The following MYO3A variants were observed in gnomAD, a reference collection of about 807,000 sequenced individuals.
MYO3A encodes the protein myosin IIIA, also known as myosin-IIIa.
Under a neutral mutation model 192.7 loss-of-function variants are expected in MYO3A, and 180 were observed. The ratio of observed to expected loss-of-function variants is 0.93; its 90% CI spans 0.83 to 1.06. The LOEUF is 1.06. Among genes scored for constraint, MYO3A ranks in the 50% least tolerant of loss-of-function variants. The probability of loss-of-function intolerance (pLI) is 0.00; values close to 1 mark genes in which losing one functional copy is unlikely to be tolerated. For synonymous variants in MYO3A, 628 were observed against 645.3 expected (o/e 0.97, Z 0.41); for missense variants, 1,896 against 1,905.0 (o/e 1.00, Z 0.09).
intron 5 of MYO3A, 140 bp from the exon 6 acceptor site, chr10:25,997,019 T>C: frequency 1.5e-6 from 1 of 676,710 alleles, no homozygotes; most frequent in Non-Finnish European, 2.6e-6. Context: ...TTGATGTGAC[T>C]AACTCAATGT....
At position 26,075,381 on chromosome 10, in the gene MYO3A, G is replaced by A. The variant is rs747433067; in HGVS notation, c.1359+4980G>A. Among the ~76,000 whole-genome samples the A allele has an allele frequency of 5.1e-4, 77 of 151,372 alleles. No individual in the cohort carries two copies. In the Middle Eastern group the frequency reaches 0.027, roughly 53 times the overall value. On this transcript the variant is annotated intron_variant, in intron 14 of 34. Coordinates refer to ENST00000642920, the MANE Select transcript of MYO3A (RefSeq NM_017433.5). ...AGATTTTGGTGCACCCATCACCCAA[G>A]CAGTATACACTGCACCATATTTGAA... is the stretch of plus-strand genomic sequence containing the variant.
At chr10:26,086,870 A>C (rs1836359142) in intron 14 of MYO3A, among the ~76,000 whole-genome samples, 1 of 152,210 alleles carries the variant, frequency 6.6e-6, no homozygotes, top group African/African-American at 2.4e-5. Context: ...GCAGGCTGAT[A>C]GAGTTTCTCA....
At chr10:25,960,441 A>G (rs933271208) in intron 4 of MYO3A, among the ~76,000 whole-genome samples, 1 of 152,158 alleles carries the variant, frequency 6.6e-6, no homozygotes, top group African/African-American at 2.4e-5. Flanking sequence ...TGAAAAATCG[A>G]AGTGTAAATT....
intron 34 of MYO3A, among the ~76,000 whole-genome samples, 159 bp from the exon 35 acceptor site, chr10:26,211,684 A>G (rs1229029518): frequency 1.3e-5 from 2 of 152,100 alleles, no homozygotes; most frequent in East Asian, 3.9e-4. Context: ...ATTATCGCAG[A>G]TACGTTTGGC....
At chr10:26,086,420 G>A (rs1836318715) in intron 14 of MYO3A, among the ~76,000 whole-genome samples, 1 of 152,170 alleles carries the variant, frequency 6.6e-6, no homozygotes, top group Admixed American at 6.5e-5. Context: ...AACCATATCA[G>A]AGGGAGAGCA....
chr10:26,176,689 C>T lies in MYO3A; in HGVS notation c.4294-12C>T. ...TTCCTTGATTTAACCTGACACATGA[C>T]CTTCTTTTTAGATATCAAAGTTATC... On this transcript the variant is annotated splice_polypyrimidine_tract_variant and intron_variant, in intron 30 of 34. Coordinates refer to ENST00000642920, the MANE Select transcript of MYO3A (RefSeq NM_017433.5). 6.2e-7 allele frequency: 1 copy of T among 1,605,258 alleles called. No individual in the cohort carries two copies. Among genetic ancestry groups the T allele is most frequent in the Non-Finnish European group, 8.5e-7 (1 of 1,172,304 alleles).
chr10:26,058,468 G>A (rs1834260511), intron 10 of MYO3A, among the ~76,000 whole-genome samples: 1 of 152,080 alleles, frequency 6.6e-6, no homozygotes, highest in African/African-American at 2.4e-5. Flanking sequence ...TTTTTGTGTG[G>A]TTTTCTACTC....
intron 15 of MYO3A, among the ~76,000 whole-genome samples, chr10:26,095,111 G>T (rs1328632093): frequency 6.6e-6 from 1 of 152,176 alleles, no homozygotes; most frequent in African/African-American, 2.4e-5. Context: ...CACAGTTCAG[G>T]CCACTGCCAA....
Position 25,996,367 on chromosome 10 carries a change from A to G in MYO3A, c.304-123A>G. 3 of 742,026 alleles carry G rather than the reference A, an allele frequency of 4.0e-6. No individual in the cohort carries two copies. In the South Asian group the frequency reaches 4.7e-5, roughly 12 times the overall value. The allele number at this position is 742,026 out of a possible 1,614,324, so 46.0% of individuals were successfully genotyped here. A position where few individuals can be genotyped will look rare whatever the true frequency, so the allele number is the denominator to read the frequency against. On this transcript the variant is annotated intron_variant, in intron 4 of 34. Coordinates refer to ENST00000642920, the MANE Select transcript of MYO3A (RefSeq NM_017433.5). ...TTTTATTTATGAAAGCATAAAGATAATGGCATTAATCATTTGAAAGAGAAC... is the reference window on the plus strand; with the variant it reads ...TTTTATTTATGAAAGCATAAAGATAGTGGCATTAATCATTTGAAAGAGAAC...
At chr10:25,970,475 G>A (rs2130724827) in intron 4 of MYO3A, among the ~76,000 whole-genome samples, 1 of 151,872 alleles carries the variant, frequency 6.6e-6, no homozygotes, top group Non-Finnish European at 1.5e-5. Flanking sequence ...TCCCTGTAAT[G>A]TATATTAGAA....
chr10:26,017,960 A>G (rs1340959964), intron 7 of MYO3A, among the ~76,000 whole-genome samples: 1 of 149,788 alleles, frequency 6.7e-6, no homozygotes, highest in African/African-American at 2.4e-5. Flanking sequence ...AATACCAAAT[A>G]TTGCATTTTG....
intron 10 of MYO3A, among the ~76,000 whole-genome samples, chr10:26,044,413 G>A (rs72793978): frequency 6.6e-6 from 1 of 151,982 alleles, no homozygotes; most frequent in Non-Finnish European, 1.5e-5. Flanking sequence ...CTAGAGCACT[G>A]TAGCCCATGC....
At chr10:26,189,951 T>C in intron 31 of MYO3A, among the ~76,000 whole-genome samples, 1 of 152,060 alleles carries the variant, frequency 6.6e-6, no homozygotes, top group Non-Finnish European at 1.5e-5. Flanking sequence ...TAATCCCAGC[T>C]CCTTGGGAGA....
At chr10:26,075,791 C>CTCTCTCATATATATGATATATATATG (rs1473442105) in intron 14 of MYO3A, among the ~76,000 whole-genome samples, 7 of 143,130 alleles carry the variant, frequency 4.9e-5, no homozygotes, top group Middle Eastern at 3.7e-3. Context: ...ATATATATGT[C>CTCTCTCATATATATGATATATATATG]TCTCTCATAT....
chr10:25,979,108 T>G (rs1434840282), intron 4 of MYO3A, among the ~76,000 whole-genome samples: 3 of 152,220 alleles, frequency 2.0e-5, no homozygotes, highest in Non-Finnish European at 2.9e-5. Context: ...TAACTGGTCT[T>G]TCTTTCTGAA....
intron 30 of MYO3A, among the ~76,000 whole-genome samples, chr10:26,176,016 C>T (rs1470394787): frequency 1.3e-5 from 2 of 152,092 alleles, no homozygotes; most frequent in African/African-American, 4.8e-5. Context: ...GAAAGAAGGC[C>T]GGGCGCGGTG....
At chr10:25,956,388 T>A (rs1421771634) in intron 4 of MYO3A, among the ~76,000 whole-genome samples, 3 of 151,490 alleles carry the variant, frequency 2.0e-5, no homozygotes. Context: ...TGGAGTGCAG[T>A]GGCACAATCT....
chr10:25,955,009 G>T lies in MYO3A; in HGVS notation c.303+1G>T, dbSNP rs1335765199. 6.2e-7 allele frequency: 1 copy of T among 1,612,628 alleles called. No homozygotes were observed. The highest frequency in any genetic ancestry group is 8.5e-7 in the Non-Finnish European group (1 of 1,179,038). ...AGACAAGCTGTGGTTGGTTCTTGAG[G>T]TAAGTGTGTCAGCATCATTTGTATG... On this transcript the variant is annotated splice_donor_variant, in intron 4 of 34. Coordinates refer to ENST00000642920, the MANE Select transcript of MYO3A (RefSeq NM_017433.5). LOFTEE classifies it high-confidence loss of function.
At chr10:25,979,408 T>C (rs1839161666) in intron 4 of MYO3A, among the ~76,000 whole-genome samples, 2 of 149,800 alleles carry the variant, frequency 1.3e-5, no homozygotes, top group Non-Finnish European at 3.0e-5. Context: ...TTTTCTTCTA[T>C]TACCAAAAAA....
Sources: gnomAD v4.1 joint callset for allele counts (sites outside exome capture counted in the v4.1 genomes callset) on GRCh38, gnomAD v4.1.1 for gene constraint, MANE v1.5 for transcripts, NCBI Gene and HGNC (gene_info 2026-07-23, HGNC 2026-07-21) for gene names.